Variants in SPMIP11 observed in about 807,000 individuals in gnomAD.
SPMIP11 encodes the protein sperm microtubule inner protein 11.
chr12:48,768,527 G>T, the SPMIP11 span: 1 of 1,612,468 alleles, frequency 6.2e-7, no homozygotes, highest in African/African-American at 1.3e-5. Flanking sequence ...GCTCCACCCA[G>T]TGAGCACAGA....
the SPMIP11 span, chr12:48,770,699 G>T: frequency 1.3e-6 from 2 of 1,517,078 alleles, no homozygotes; most frequent in Non-Finnish European, 1.8e-6. Flanking sequence ...CCCATCCCCA[G>T]CCTATAATCC....
the SPMIP11 span, chr12:48,771,084 GC>G: frequency 1.3e-5 from 14 of 1,047,862 alleles, no homozygotes; most frequent in Non-Finnish European, 1.9e-5. This position sits in a 1 kb window ranked among gnomAD's most constrained non-coding sequence, Gnocchi z 4.3. Context: ...TGTCTCAAGA[GC>G]CCCCTTCCAG....
the SPMIP11 span, among the ~76,000 whole-genome samples, chr12:48,731,863 C>T: frequency 7.5e-4 from 114 of 152,186 alleles, no homozygotes; most frequent in Non-Finnish European, 1.3e-3. Context: ...AAAACTCAAA[C>T]TTTGGCCAGG....
chr12:48,755,586 T>A, the SPMIP11 span, among the ~76,000 whole-genome samples: 2,019 of 152,252 alleles, frequency 0.013, 47 homozygotes, highest in African/African-American at 0.045. Context: ...CAAAAATGGA[T>A]GCAAGGTATA....
the SPMIP11 span, among the ~76,000 whole-genome samples, chr12:48,731,782 G>A: frequency 1.3e-5 from 2 of 152,030 alleles, no homozygotes; most frequent in Non-Finnish European, 2.9e-5. Flanking sequence ...CTGCATGCAC[G>A]TCAGAGAATC....
chr12:48,737,489 A>C, the SPMIP11 span, among the ~76,000 whole-genome samples: 1 of 149,008 alleles, frequency 6.7e-6, no homozygotes, highest in Non-Finnish European at 1.5e-5. Context: ...ATCTCGGCTC[A>C]CAACAATGTC....
the SPMIP11 span, among the ~76,000 whole-genome samples, chr12:48,737,893 G>A: frequency 6.6e-6 from 1 of 152,194 alleles, no homozygotes; most frequent in East Asian, 1.9e-4. Context: ...AACGATCATG[G>A]CTCATTGCAG....
the SPMIP11 span, chr12:48,768,505 C>T: frequency 6.9e-6 from 11 of 1,592,278 alleles, no homozygotes; most frequent in South Asian, 5.5e-5. Flanking sequence ...AGGCTCAGTG[C>T]CCCCTGCCAC....
chr12:48,754,981 G>C, the SPMIP11 span, among the ~76,000 whole-genome samples: 1 of 149,820 alleles, frequency 6.7e-6, no homozygotes, highest in Non-Finnish European at 1.5e-5. Flanking sequence ...CTAGAAGGTA[G>C]ATTTCTGGGA....
chr12:48,752,228 C>G, the SPMIP11 span, among the ~76,000 whole-genome samples: 308 of 152,254 alleles, frequency 2.0e-3, 2 homozygotes, highest in African/African-American at 7.2e-3. Flanking sequence ...AGAACATATA[C>G]CTTTCCTGTG....
chr12:48,746,673 C>T, the SPMIP11 span, among the ~76,000 whole-genome samples: 14 of 151,860 alleles, frequency 9.2e-5, no homozygotes, highest in Admixed American at 2.0e-4. Context: ...CCTATCCAAG[C>T]GCTTTGGAAG....
At chr12:48,735,193 C>T in the SPMIP11 span, among the ~76,000 whole-genome samples, 4 of 152,142 alleles carry the variant, frequency 2.6e-5, no homozygotes, top group South Asian at 2.1e-4. Flanking sequence ...TTCTTCTCTA[C>T]AGTCTCTAGA....
chr12:48,739,168 A>G, the SPMIP11 span, among the ~76,000 whole-genome samples: 1 of 151,662 alleles, frequency 6.6e-6, no homozygotes, highest in Non-Finnish European at 1.5e-5. Context: ...GTGATTACTC[A>G]CCTCAAATAA....
At chr12:48,756,798 C>G in the SPMIP11 span, among the ~76,000 whole-genome samples, 9 of 128,800 alleles carry the variant, frequency 7.0e-5, no homozygotes, top group Admixed American at 7.5e-4. Context: ...TTTTTTGAGA[C>G]AGAGTTTCAC....
chr12:48,732,541 G>A, the SPMIP11 span, among the ~76,000 whole-genome samples: 3 of 148,316 alleles, frequency 2.0e-5, no homozygotes, highest in Admixed American at 6.7e-5. Context: ...AGGCCGAGGC[G>A]GGCAGATCTC....
chr12:48,757,627 C>G, the SPMIP11 span, among the ~76,000 whole-genome samples: 2 of 145,032 alleles, frequency 1.4e-5, no homozygotes, highest in South Asian at 4.5e-4. Flanking sequence ...GCCTGGGTGA[C>G]AGAGTGAGAC....
the SPMIP11 span, among the ~76,000 whole-genome samples, chr12:48,752,830 C>T: frequency 1.3e-5 from 2 of 151,934 alleles, no homozygotes; most frequent in Admixed American, 6.6e-5. Context: ...TGCGACCACA[C>T]CCAGCTAATT....
At chr12:48,741,331 A>G in the SPMIP11 span, among the ~76,000 whole-genome samples, 1 of 152,122 alleles carries the variant, frequency 6.6e-6, no homozygotes, top group South Asian at 2.1e-4. Flanking sequence ...GATTACAGGC[A>G]TGAGCCACCA....
the SPMIP11 span, among the ~76,000 whole-genome samples, chr12:48,762,014 T>G: frequency 6.7e-6 from 1 of 149,482 alleles, no homozygotes; most frequent in Non-Finnish European, 1.5e-5. Context: ...AATACTCTTA[T>G]ATGACATTCT....
Sources: gnomAD v4.1 joint callset for allele counts (sites outside exome capture counted in the v4.1 genomes callset) on GRCh38, gnomAD v4.1.1 for gene constraint, Gnocchi (gnomAD v3.1) non-coding constraint, MANE v1.5 for transcripts, NCBI Gene and HGNC (gene_info 2026-07-23, HGNC 2026-07-21) for gene names.